The following KIF26B variants were observed in gnomAD, a reference collection of about 807,000 sequenced individuals.
KIF26B encodes kinesin family member 26B, also known as kinesin-like protein KIF26B.
A neutral mutation model predicts 151.2 loss-of-function variants in KIF26B; 63 were observed. That is an observed-to-expected ratio of 0.42 (90% CI 0.34 to 0.51). The LOEUF (loss-of-function observed/expected upper bound fraction) is 0.51. KIF26B is among the 20% of genes least tolerant of loss of function. The pLI is 0.07. For synonymous variants in KIF26B, 1,357 were observed against 1,262.1 expected (o/e 1.08, Z -1.59); for missense variants, 2,813 against 2,913.6 (o/e 0.97, Z 0.79).
In KIF26B at chr1:245,559,402, G is replaced by GT. The variant is rs879313068; in HGVS notation, c.1350+18462dup. 6.0e-4 allele frequency among the ~76,000 whole-genome samples: 89 copies of GT among 148,328 alleles called. 1 individual carries two copies. The highest frequency in any genetic ancestry group is 8.7e-4 in the Non-Finnish European group (58 of 66,752). On this transcript the variant is annotated intron_variant, in intron 5 of 14. Transcript: ENST00000407071. ...TGTTTTTACTACGGTGAGTAACAAG[G>GT]TTTTTTTTTTGGTTTTTGGGTTTTT...
chr1:245,200,177 A>G (rs1004496700), intron 2 of KIF26B, among the ~76,000 whole-genome samples: 1 of 152,198 alleles, frequency 6.6e-6, no homozygotes, highest in Non-Finnish European at 1.5e-5. Flanking sequence ...TGATATTCCC[A>G]AATCCCATTT....
chr1:245,457,974 C>G (rs901544251), intron 4 of KIF26B, among the ~76,000 whole-genome samples: 14 of 152,154 alleles, frequency 9.2e-5, no homozygotes, highest in African/African-American at 3.4e-4. Context: ...AATCATTTTT[C>G]AAGTTTTTAA....
intron 2 of KIF26B, among the ~76,000 whole-genome samples, chr1:245,343,737 G>A (rs545546549): frequency 3.9e-5 from 6 of 152,326 alleles, no homozygotes; most frequent in Admixed American, 1.3e-4. Flanking sequence ...ATATTTGGGC[G>A]TGAGATGTTG....
chr1:245,624,035 C>A (rs963063920), intron 9 of KIF26B, among the ~76,000 whole-genome samples: 3 of 151,948 alleles, frequency 2.0e-5, no homozygotes, highest in Non-Finnish European at 4.4e-5. Context: ...TTATGAGATC[C>A]GGTGGTTTAA....
At chr1:245,641,287 T>TTTAA (rs1277153425) in intron 9 of KIF26B, among the ~76,000 whole-genome samples, 2 of 148,558 alleles carry the variant, frequency 1.3e-5, no homozygotes, top group Non-Finnish European at 3.0e-5. Context: ...CCTTTGTGAG[T>TTTAA]TTAATTATAA....
intron 5 of KIF26B, among the ~76,000 whole-genome samples, chr1:245,574,864 C>CTTTTTTTTTTTTT (rs201010492): frequency 3.2e-5 from 4 of 126,250 alleles, no homozygotes; most frequent in Admixed American, 7.7e-5. Flanking sequence ...TTTTTTTTTT[C>CTTTTTTTTTTTTT]TTTTTTTTTT....
chr1:245,234,064 A>G (rs1670053441), intron 2 of KIF26B, among the ~76,000 whole-genome samples: 1 of 151,930 alleles, frequency 6.6e-6, no homozygotes. Context: ...GGCACCTGTA[A>G]TCCCAGCTGC....
intron 2 of KIF26B, among the ~76,000 whole-genome samples, chr1:245,305,809 G>T (rs1266808959): frequency 1.3e-5 from 2 of 151,746 alleles, no homozygotes; most frequent in African/African-American, 2.4e-5. Flanking sequence ...GTGGTGGCGG[G>T]CGCCTGTAGT....
At chr1:245,621,939 C>T (rs2043667232) in intron 9 of KIF26B, among the ~76,000 whole-genome samples, 1 of 152,212 alleles carries the variant, frequency 6.6e-6, no homozygotes, top group Non-Finnish European at 1.5e-5. Flanking sequence ...ACAGTCTAAA[C>T]TGTGCCTTTT....
intron 3 of KIF26B, among the ~76,000 whole-genome samples, chr1:245,378,587 T>G (rs1673329842): frequency 6.6e-6 from 1 of 152,190 alleles, no homozygotes; most frequent in African/African-American, 2.4e-5. Context: ...AATTTTCACT[T>G]TCCTATGGGT....
chr1:245,411,260 GAA>G, intron 3 of KIF26B, among the ~76,000 whole-genome samples: 1 of 152,208 alleles, frequency 6.6e-6, no homozygotes. Flanking sequence ...TGTGCGCGAA[GAA>G]AAGAGACAAG....
intron 2 of KIF26B, among the ~76,000 whole-genome samples, chr1:245,327,568 C>T (rs1672015663): frequency 6.6e-6 from 1 of 152,154 alleles, no homozygotes; most frequent in African/African-American, 2.4e-5. Context: ...TCCTGACTCC[C>T]CTGATACTGT....
At chr1:245,155,765 A>AG (rs964307690) in intron 1 of KIF26B, among the ~76,000 whole-genome samples, 7 of 152,244 alleles carry the variant, frequency 4.6e-5, no homozygotes, top group African/African-American at 1.7e-4. Flanking sequence ...GTGAAGCCGA[A>AG]GGGGAGGGTT....
intron 2 of KIF26B, among the ~76,000 whole-genome samples, chr1:245,364,669 C>T (rs1226979581): frequency 1.3e-5 from 2 of 152,074 alleles, no homozygotes; most frequent in African/African-American, 4.8e-5. Context: ...ATCCGCCTGC[C>T]TCGGCCTCCC....
Position 245,436,892 on chromosome 1 carries a change from T to C in KIF26B, c.1166+17147T>C, listed in dbSNP as rs576605078. Reference sequence around the variant, plus strand: ...TCTCTCTCTCACTTTCTCCCTCTCTTTTTTTTTTTTTTTTTTGTGAGTCTT... The same window carrying C: ...TCTCTCTCTCACTTTCTCCCTCTCTCTTTTTTTTTTTTTTTTGTGAGTCTT... On this transcript the variant is annotated intron_variant, in intron 4 of 14. Transcript: ENST00000407071. Among the ~76,000 whole-genome samples, 221 of 120,432 alleles carry C rather than the reference T, an allele frequency of 1.8e-3. 1 individual carries two copies. Among genetic ancestry groups the C allele is most frequent in the African/African-American group, 5.8e-3 (203 of 35,198 alleles). The allele number at this position is 120,432 out of a possible 152,430, so 79.0% of individuals were successfully genotyped here.
intron 2 of KIF26B, among the ~76,000 whole-genome samples, chr1:245,179,484 C>T (rs888669724): frequency 1.9e-4 from 29 of 152,128 alleles, no homozygotes; most frequent in East Asian, 7.8e-4. Context: ...ATTAGCCGGG[C>T]GTGGTGGTGC....
At chr1:245,633,879 C>A (rs531005635) in intron 9 of KIF26B, among the ~76,000 whole-genome samples, 2 of 152,256 alleles carry the variant, frequency 1.3e-5, no homozygotes, top group South Asian at 4.1e-4. Flanking sequence ...GAGGCACAGT[C>A]ATAGCTCACT....
intron 12 of KIF26B, among the ~76,000 whole-genome samples, chr1:245,697,678 G>A (rs776482310): frequency 3.9e-5 from 6 of 152,044 alleles, no homozygotes; most frequent in Admixed American, 3.3e-4. Flanking sequence ...CCCTACCTCA[G>A]ATCCTGGGGT....
At chr1:245,362,473 G>A (rs1348975613) in intron 2 of KIF26B, among the ~76,000 whole-genome samples, 3 of 151,624 alleles carry the variant, frequency 2.0e-5, no homozygotes, top group Non-Finnish European at 4.4e-5. Context: ...GGGAGGCGGA[G>A]GTTGCAGTGA....
Sources: gnomAD v4.1 joint callset for allele counts (sites outside exome capture counted in the v4.1 genomes callset) on GRCh38, gnomAD v4.1.1 for gene constraint, MANE v1.5 for transcripts, NCBI Gene and HGNC (gene_info 2026-07-23, HGNC 2026-07-21) for gene names.